COX10: variants seen among roughly 807,000 people sequenced by gnomAD.
COX10 encodes protoheme IX farnesyltransferase, mitochondrial.
In COX10, 27 loss-of-function variants were observed where a neutral mutation model predicts 37.3. The ratio of observed to expected loss-of-function variants is 0.72; its 90% CI spans 0.53 to 1.00. The LOEUF is 1.00. Among genes scored for constraint, COX10 ranks in the 50% least tolerant of loss-of-function variants. The pLI, the probability that COX10 is intolerant of heterozygous loss-of-function variation, is 0.00. For missense variants in COX10, 475 were observed against 563.2 expected, an observed-to-expected ratio of 0.84 and a Z score of 1.59; for synonymous variants, 222 against 229.1, an observed-to-expected ratio of 0.97 and a Z score of 0.28.
At chr17:14,074,511 G>A (rs1597490184) in intron 2 of COX10, 55 bp downstream of exon 2, 3 of 1,479,148 alleles carry the variant, frequency 2.0e-6, no homozygotes, top group African/African-American at 1.4e-5. Flanking sequence ...TCTCTGTTGA[G>A]AGAATTTCAG....
At chr17:14,177,257 G>C in intron 5 of COX10, 2 of 730,932 alleles carry the variant, frequency 2.7e-6, no homozygotes, top group Non-Finnish European at 5.0e-6. Context: ...GCTTCCTTGG[G>C]AGTGTGCCAA....
At chr17:14,096,645 C>A (rs536751303) in intron 3 of COX10, among the ~76,000 whole-genome samples, 1 of 152,174 alleles carries the variant, frequency 6.6e-6, no homozygotes, top group East Asian at 1.9e-4. Flanking sequence ...GTTGGGATTA[C>A]TGGCATGTGC....
chr17:14,147,658 C>T (rs1428281335), intron 4 of COX10, among the ~76,000 whole-genome samples: 1 of 151,832 alleles, frequency 6.6e-6, no homozygotes, highest in Non-Finnish European at 1.5e-5. Flanking sequence ...GTTTGTAACA[C>T]AAAAGATAAG....
chr17:14,169,646 C>G (rs140288660), intron 5 of COX10, among the ~76,000 whole-genome samples: 6 of 152,286 alleles, frequency 3.9e-5, no homozygotes, highest in African/African-American at 1.4e-4. Context: ...TCTGGCAAAT[C>G]GTTCTGGCTA....
At chr17:14,134,423 T>A (rs910060925) in intron 4 of COX10, among the ~76,000 whole-genome samples, 1 of 151,756 alleles carries the variant, frequency 6.6e-6, no homozygotes, top group African/African-American at 2.4e-5. Flanking sequence ...CTGGAAAAAA[T>A]TAACTGAGTT....
chr17:14,168,529 A>T (rs565901002), intron 5 of COX10, among the ~76,000 whole-genome samples: 30 of 152,354 alleles, frequency 2.0e-4, no homozygotes, highest in African/African-American at 7.2e-4. Context: ...CAGCCCTTGC[A>T]TGCAGCAGAC....
At position 14,123,674 on chromosome 17, in the gene COX10, G is replaced by A. The variant is rs554705112; in HGVS notation, c.624+21432G>A. 5.3e-5 allele frequency among the ~76,000 whole-genome samples: 8 copies of A among 152,238 alleles called. No individual in the cohort carries two copies. The East Asian group carries it at 1.4e-3, about 26-fold the overall frequency. On this transcript the variant is annotated intron_variant, in intron 4 of 6. Transcript: ENST00000261643. ...AATGTTATGTTTTAAGGTAAATAAT[G>A]TATCCCAAAGAAACTGTGAAATCGA...
intron 4 of COX10, among the ~76,000 whole-genome samples, chr17:14,115,484 A>G (rs1335674070): frequency 6.6e-6 from 1 of 152,108 alleles, no homozygotes; most frequent in East Asian, 1.9e-4. Context: ...CTCTCAAAGA[A>G]CTAAAAATAG....
intron 3 of COX10, among the ~76,000 whole-genome samples, chr17:14,078,755 C>CGAGTCTA (rs1915214690): frequency 6.6e-6 from 1 of 152,122 alleles, no homozygotes; most frequent in Admixed American, 6.6e-5. Context: ...CTAACTTATA[C>CGAGTCTA]GAGTCTATAG....
chr17:14,115,711 T>C (rs1916096989), intron 4 of COX10, among the ~76,000 whole-genome samples: 1 of 152,126 alleles, frequency 6.6e-6, no homozygotes, highest in Non-Finnish European at 1.5e-5. Flanking sequence ...AAGAATGAAA[T>C]AATGTCTTGT....
At chr17:14,112,814 G>T (rs923418297) in intron 4 of COX10, among the ~76,000 whole-genome samples, 3 of 152,202 alleles carry the variant, frequency 2.0e-5, no homozygotes, top group South Asian at 2.1e-4. Context: ...TAACATGGAG[G>T]ACCATTTGGG....
intron 6 of COX10, among the ~76,000 whole-genome samples, chr17:14,196,620 A>G (rs1405982256): frequency 1.3e-5 from 2 of 152,098 alleles, no homozygotes; most frequent in Non-Finnish European, 2.9e-5. Context: ...TACATTTAGG[A>G]TCATTTACCA....
chr17:14,103,107 TG>T (rs200108579), intron 4 of COX10, among the ~76,000 whole-genome samples: 5 of 151,860 alleles, frequency 3.3e-5, no homozygotes, highest in African/African-American at 4.8e-5. Context: ...TAAGTTTTTT[TG>T]TTGTTGTTGT....
At chr17:14,088,965 A>G (rs1384112921) in intron 3 of COX10, among the ~76,000 whole-genome samples, 4 of 152,208 alleles carry the variant, frequency 2.6e-5, no homozygotes, top group Non-Finnish European at 4.4e-5. Flanking sequence ...TGGGAGGGAA[A>G]GTTCTTGATA....
chr17:14,201,549 T>G (rs1906542174), intron 6 of COX10, among the ~76,000 whole-genome samples: 1 of 152,218 alleles, frequency 6.6e-6, no homozygotes, highest in Non-Finnish European at 1.5e-5. Context: ...AACAAAATAC[T>G]TCGGTTGACA....
chr17:14,132,720 T>C (rs1019900021), intron 4 of COX10, among the ~76,000 whole-genome samples: 1 of 151,764 alleles, frequency 6.6e-6, no homozygotes, highest in African/African-American at 2.4e-5. Context: ...GACATGTTTG[T>C]AGCATTATGA....
At chr17:14,190,299 G>A (rs1485964898) in intron 5 of COX10, among the ~76,000 whole-genome samples, 1 of 152,200 alleles carries the variant, frequency 6.6e-6, no homozygotes, top group African/African-American at 2.4e-5. Flanking sequence ...GAGACAGTAG[G>A]TTATTGAGCA....
At chr17:14,088,703 T>C (rs1333916145) in intron 3 of COX10, among the ~76,000 whole-genome samples, 1 of 152,210 alleles carries the variant, frequency 6.6e-6, no homozygotes, top group East Asian at 1.9e-4. Context: ...AAACAATGAC[T>C]TAAACAAGTA....
intron 3 of COX10, among the ~76,000 whole-genome samples, chr17:14,091,914 G>A (rs568870556): frequency 3.3e-5 from 5 of 152,138 alleles, no homozygotes; most frequent in African/African-American, 1.2e-4. Context: ...GCCAAACTCA[G>A]TTTTGAAACT....
Sources: allele counts gnomAD v4.1 joint callset (sites outside exome capture counted in the v4.1 genomes callset), GRCh38; gene constraint gnomAD v4.1.1; transcripts MANE v1.5; gene names NCBI Gene and HGNC (gene_info 2026-07-23, HGNC 2026-07-21).